The following DPP6 variants were observed in gnomAD, a reference collection of about 807,000 sequenced individuals.
DPP6 encodes the protein A-type potassium channel modulatory protein DPP6.
A neutral mutation model predicts 122.6 loss-of-function variants in DPP6; 69 were observed. The ratio of observed to expected loss-of-function variants is 0.56; its 90% CI spans 0.46 to 0.69. DPP6 has a LOEUF of 0.69. DPP6 is among the 30% of genes least tolerant of loss of function. DPP6 has a pLI of 0.00. For missense variants in DPP6, 928 were observed against 1,116.9 expected (o/e 0.83, Z 2.41); for synonymous variants, 418 against 433.1 (o/e 0.97, Z 0.43).
intron 5 of DPP6, among the ~76,000 whole-genome samples, chr7:154,577,073 T>C (rs1336986630): frequency 3.3e-5 from 5 of 152,140 alleles, no homozygotes; most frequent in Admixed American, 3.3e-4. Context: ...AGTGAAAATA[T>C]GAAGGACGGG....
the DPP6 span, among the ~76,000 whole-genome samples, chr7:153,814,553 T>C: frequency 2.0e-5 from 3 of 152,114 alleles, no homozygotes; most frequent in African/African-American, 7.2e-5. Flanking sequence ...GTACCATTCC[T>C]TCTGAAACTA....
chr7:153,896,011 A>G (rs1799399536), intron 1 of DPP6, among the ~76,000 whole-genome samples: 1 of 152,368 alleles, frequency 6.6e-6, no homozygotes, highest in African/African-American at 2.4e-5. Flanking sequence ...CTGTTTTGCA[A>G]GGCACCAATT....
At chr7:153,941,510 A>G (rs1272861249) in intron 1 of DPP6, among the ~76,000 whole-genome samples, 1 of 152,178 alleles carries the variant, frequency 6.6e-6, no homozygotes, top group African/African-American at 2.4e-5. Flanking sequence ...ATTCCCTGGC[A>G]GGACACTGCT....
At chr7:154,016,999 T>C (rs1262304830) in intron 1 of DPP6, among the ~76,000 whole-genome samples, 2 of 152,198 alleles carry the variant, frequency 1.3e-5, no homozygotes, top group Non-Finnish European at 2.9e-5. Flanking sequence ...GGTTGGTTAG[T>C]GGGTACAAAC....
intron 4 of DPP6, among the ~76,000 whole-genome samples, chr7:154,555,172 TAAG>T (rs922364290): frequency 1.3e-5 from 2 of 152,088 alleles, no homozygotes; most frequent in African/African-American, 4.8e-5. Context: ...ATGATTCAAA[TAAG>T]AACTAGAAAA....
At chr7:154,870,581 T>G (rs1229048015) in intron 18 of DPP6, among the ~76,000 whole-genome samples, 1 of 150,308 alleles carries the variant, frequency 6.7e-6, no homozygotes, top group Non-Finnish European at 1.5e-5. Context: ...ACTCCAGCCT[T>G]GGCAATAGAG....
intron 5 of DPP6, among the ~76,000 whole-genome samples, chr7:154,583,487 C>T (rs1042144726): frequency 3.3e-5 from 5 of 152,152 alleles, no homozygotes; most frequent in Admixed American, 6.5e-5. Flanking sequence ...CCCAGTCCCA[C>T]CCAAGGTCAT....
At chr7:154,608,408 A>G (rs1374500542) in intron 5 of DPP6, among the ~76,000 whole-genome samples, 2 of 145,860 alleles carry the variant, frequency 1.4e-5, no homozygotes, top group African/African-American at 2.5e-5. Context: ...GCTCACTGCA[A>G]CCTCTGCCTC....
At chr7:154,292,448 G>A (rs1805270744) in intron 1 of DPP6, among the ~76,000 whole-genome samples, 1 of 152,212 alleles carries the variant, frequency 6.6e-6, no homozygotes, top group African/African-American at 2.4e-5. Flanking sequence ...GTCTGAGCAT[G>A]TTTGTAAAGA....
At chr7:154,465,653 T>C (rs1251155492) in intron 2 of DPP6, among the ~76,000 whole-genome samples, 1 of 152,172 alleles carries the variant, frequency 6.6e-6, no homozygotes, top group Middle Eastern at 3.2e-3. Context: ...AAAACCACAA[T>C]GAGATACTAT....
intron 1 of DPP6, among the ~76,000 whole-genome samples, chr7:154,422,248 T>G (rs1817526478): frequency 6.6e-6 from 1 of 152,158 alleles, no homozygotes; most frequent in South Asian, 2.1e-4. Context: ...AGGTTGAGGC[T>G]GGTCTGCAGA....
chr7:154,575,486 TG>T (rs1831574627), intron 5 of DPP6, among the ~76,000 whole-genome samples: 1 of 132,532 alleles, frequency 7.5e-6, no homozygotes, highest in African/African-American at 2.9e-5. Flanking sequence ...GGTGTGTGTG[TG>T]GTGTGTGTTT....
intron 1 of DPP6, among the ~76,000 whole-genome samples, chr7:154,070,729 A>G (rs527531566): frequency 1.3e-5 from 2 of 152,308 alleles, no homozygotes; most frequent in South Asian, 2.1e-4. Context: ...ATTAGCACAG[A>G]TAATTCTTCA....
At chr7:154,354,700 G>C (rs375823018) in intron 1 of DPP6, among the ~76,000 whole-genome samples, 1 of 152,240 alleles carries the variant, frequency 6.6e-6, no homozygotes, top group African/African-American at 2.4e-5. Flanking sequence ...TCTGAAAGTC[G>C]CCTCACATGT....
At chr7:154,779,296 TATCACCACCACCCCCACC>T (rs1440223615) in intron 10 of DPP6, among the ~76,000 whole-genome samples, 1 of 54,472 alleles carries the variant, frequency 1.8e-5, no homozygotes, top group Non-Finnish European at 4.5e-5. Context: ...CCCCCACTAC[TATCACCACCACCCCCACC>T]ATCGCCTCCA....
the DPP6 span, among the ~76,000 whole-genome samples, chr7:153,788,942 G>C: frequency 3.5e-4 from 53 of 150,350 alleles, no homozygotes; most frequent in African/African-American, 1.3e-3. Flanking sequence ...TCCAGCCTGG[G>C]CAACATGAGC....
At chr7:154,446,473 G>T in intron 2 of DPP6, 145 bp downstream of exon 2, 1 of 488,162 alleles carries the variant, frequency 2.0e-6, no homozygotes, top group Non-Finnish European at 3.5e-6. Flanking sequence ...GATATAATAT[G>T]GTTTCAATTT....
At chr7:154,374,235 G>A (rs899806539) in intron 1 of DPP6, among the ~76,000 whole-genome samples, 4 of 152,150 alleles carry the variant, frequency 2.6e-5, no homozygotes, top group African/African-American at 7.2e-5. Context: ...TCATGTTTAC[G>A]AGATTAGGAC....
At chr7:154,172,627 G>A (rs532685345) in intron 1 of DPP6, among the ~76,000 whole-genome samples, 1 of 133,288 alleles carries the variant, frequency 7.5e-6, no homozygotes, top group Admixed American at 7.3e-5. Flanking sequence ...TTTTGAGACA[G>A]GGTCTTGCTG....
Sources: allele counts gnomAD v4.1 joint callset (sites outside exome capture counted in the v4.1 genomes callset), GRCh38; gene constraint gnomAD v4.1.1; transcripts MANE v1.5; gene names NCBI Gene and HGNC (gene_info 2026-07-23, HGNC 2026-07-21).